TRAF5: variants seen among roughly 807,000 people sequenced by gnomAD.
TRAF5 encodes the protein TNF receptor associated factor 5.
In TRAF5, 48 loss-of-function variants were observed where a neutral mutation model predicts 64.5. The ratio of observed to expected loss-of-function variants is 0.74; its 90% CI spans 0.59 to 0.95. The LOEUF is 0.95. Among genes scored for constraint, TRAF5 ranks in the 40% least tolerant of loss-of-function variants. The pLI is 0.00. For missense variants in TRAF5, 545 were observed against 662.8 expected (o/e 0.82, Z 1.95); for synonymous variants, 206 against 240.5 (o/e 0.86, Z 1.33).
intron 1 of TRAF5, among the ~76,000 whole-genome samples, chr1:211,342,156 A>G (rs1702464847): frequency 6.6e-6 from 1 of 152,242 alleles, no homozygotes; most frequent in African/African-American, 2.4e-5. Context: ...AACCATAGAC[A>G]ATATGTAAAT....
intron 1 of TRAF5, chr1:211,346,561 C>A: frequency 5.3e-6 from 2 of 375,382 alleles, no homozygotes; most frequent in South Asian, 1.1e-4. Context: ...ATGTCTTATG[C>A]ACTATAACAT....
intron 1 of TRAF5, among the ~76,000 whole-genome samples, chr1:211,333,002 A>G (rs937974087): frequency 6.6e-6 from 1 of 152,150 alleles, no homozygotes; most frequent in African/African-American, 2.4e-5. Context: ...TTTGATACTA[A>G]CAGTTCCCAT....
rs573352107 is a variant in TRAF5 at position 211,369,465 on chromosome 1, A to T, written c.803A>T (p.His268Leu). ...TCCTGTTATTAGATTTCTGACTTAC[A>T]CAAGAGCCTAGAACAGAAAGAAAGT... ...VQLEEQISDL[H>L]KSLEQKESKI... The change falls in exon 9 of 11, where the codon CAC becomes CTC. Residue 268 changes from histidine to leucine, a missense_variant. Transcript: ENST00000261464. The T allele has an allele frequency of 5.2e-5, 82 of 1,590,492 alleles. 1 individual carries two copies. In the South Asian group the frequency reaches 6.7e-4, roughly 13 times the overall value.
intron 1 of TRAF5, among the ~76,000 whole-genome samples, chr1:211,334,890 G>C (rs1385145308): frequency 6.6e-6 from 1 of 152,170 alleles, no homozygotes; most frequent in Admixed American, 6.5e-5. Context: ...TGTCCTCCCA[G>C]TGCCTAACTA....
At chr1:211,370,410 C>T (rs1703484816) in intron 9 of TRAF5, among the ~76,000 whole-genome samples, 1 of 151,084 alleles carries the variant, frequency 6.6e-6, no homozygotes, top group South Asian at 2.1e-4. Flanking sequence ...CACACACACA[C>T]ACCCTTCATA....
chr1:211,369,380 G>A (rs954415743), intron 8 of TRAF5, 72 bp from the exon 9 acceptor site: 1 of 1,272,964 alleles, frequency 7.9e-7, no homozygotes, highest in Non-Finnish European at 1.0e-6. Context: ...AGCTGCAAGT[G>A]CATGCATATT....
chr1:211,342,458 A>G (rs569368380), intron 1 of TRAF5, among the ~76,000 whole-genome samples: 1 of 152,324 alleles, frequency 6.6e-6, no homozygotes, highest in East Asian at 1.9e-4. Context: ...GGTATCCATT[A>G]TCTCAAGCAT....
In TRAF5 at chr1:211,372,668, T is replaced by A. The variant is rs1223536011; in HGVS notation, c.1640T>A (p.Val547Glu). The change falls in exon 11 of 11, where the codon GTG (valine) becomes GAG (glutamate). Residue 547 changes from valine (V) to glutamate (E), a missense_variant. By Grantham distance (121) the Val-to-Glu change is moderately radical. Coordinates refer to ENST00000261464, the MANE Select transcript of TRAF5 (RefSeq NM_001033910.3). ...AAAGATGACACTCTGTTCTTGAAAG[T>A]GGCCGTGGACTTAACTGACCTGGAG... ...YIKDDTLFLK[V>E]AVDLTDLEDL The A allele has an allele frequency of 6.2e-7, 1 of 1,614,052 alleles. No individual in the cohort carries two copies. The highest frequency in any genetic ancestry group is 2.2e-5 in the East Asian group (1 of 44,904).
At chr1:211,368,277 A>G (rs932717916) in intron 8 of TRAF5, among the ~76,000 whole-genome samples, 8 of 151,944 alleles carry the variant, frequency 5.3e-5, no homozygotes, top group African/African-American at 1.9e-4. Context: ...TTATGCAGGG[A>G]AGGCTCAAGA....
At chr1:211,349,309 C>G (rs1044968404) in intron 1 of TRAF5, among the ~76,000 whole-genome samples, 2 of 152,314 alleles carry the variant, frequency 1.3e-5, no homozygotes, top group African/African-American at 4.8e-5. Context: ...ATGTATTTCT[C>G]ACAGTTCTGA....
At chr1:211,349,598 AT>A (rs1302850950) in intron 1 of TRAF5, among the ~76,000 whole-genome samples, 2 of 152,274 alleles carry the variant, frequency 1.3e-5, no homozygotes, top group African/African-American at 4.8e-5. Flanking sequence ...CAATATACGA[AT>A]TTTGGGGGGG....
chr1:211,363,205 T>C (rs1026991080), intron 7 of TRAF5, among the ~76,000 whole-genome samples: 5 of 152,184 alleles, frequency 3.3e-5, no homozygotes, highest in African/African-American at 7.2e-5. Flanking sequence ...GTTACAGATA[T>C]CCTTTCTTAA....
intron 1 of TRAF5, among the ~76,000 whole-genome samples, chr1:211,345,761 C>T (rs1380041690): frequency 2.0e-5 from 3 of 152,168 alleles, no homozygotes; most frequent in Non-Finnish European, 4.4e-5. Flanking sequence ...AGAGAGGGGC[C>T]ATCTGGTGTC....
rs370923000 is a variant in TRAF5, at chr1:211,374,589, G to A, written c.*1887G>A. 6.6e-5 allele frequency: 10 copies of A among 152,280 alleles called. No individual in the cohort carries two copies. In the East Asian group the frequency reaches 1.7e-3, roughly 26 times the overall value. 9.4% of individuals were successfully genotyped at this position (152,280 alleles called of 1,614,324 possible). Reference sequence around the variant, plus strand: ...TGTCACTGCTGGTGAACTGTGGCACGGTTGCTCAACACATCACCTCGGACA... The same window carrying A: ...TGTCACTGCTGGTGAACTGTGGCACAGTTGCTCAACACATCACCTCGGACA... On this transcript the variant is annotated 3_prime_UTR_variant, in exon 11 of 11. Transcript: ENST00000261464.
At position 211,352,860 on chromosome 1, in the gene TRAF5, T is replaced by C. The variant is rs115693208; in HGVS notation, c.-1-379T>C. Among the ~76,000 whole-genome samples the C allele has an allele frequency of 6.5e-3, 991 of 152,272 alleles. 6 individuals are homozygous for C. Among genetic ancestry groups the C allele is most frequent in the Non-Finnish European group, 0.011 (720 of 68,022 alleles). On this transcript the variant is annotated intron_variant, in intron 1 of 10. Coordinates refer to ENST00000261464, the MANE Select transcript of TRAF5 (RefSeq NM_001033910.3). ...TAACAAAACCTGTGTTTCCATTCTC[T>C]CATTGAGTGGAAGAAAAATTCCTAA...
chr1:211,334,216 C>T (rs1702233055), intron 1 of TRAF5, among the ~76,000 whole-genome samples: 1 of 152,194 alleles, frequency 6.6e-6, no homozygotes, highest in East Asian at 1.9e-4. Flanking sequence ...TCCAGCAGTG[C>T]ATTGTGACAG....
chr1:211,374,912 A>G lies in TRAF5; in HGVS notation c.*2210A>G, dbSNP rs1354559136. On this transcript the variant is annotated 3_prime_UTR_variant, in exon 11 of 11. Transcript: ENST00000261464. ...GTGATTAAGTGATCCCAGAACAAGG[A>G]ATACTAGAGTAAAAAGCACCTCTTT... is the stretch of plus-strand genomic sequence containing the variant. 6.6e-6 allele frequency: 1 copy of G among 152,228 alleles called. No homozygotes were observed. Among genetic ancestry groups the G allele is most frequent in the Non-Finnish European group, 1.5e-5 (1 of 68,028 alleles). 9.4% of individuals were successfully genotyped at this position (152,228 alleles called of 1,614,324 possible).
At chr1:211,366,356 A>G (rs1703350369) in intron 8 of TRAF5, among the ~76,000 whole-genome samples, 1 of 152,206 alleles carries the variant, frequency 6.6e-6, no homozygotes, top group Admixed American at 6.5e-5. Context: ...TTTTTTCTGT[A>G]TCAGTTGCCT....
rs139123011 is a variant in TRAF5 at position 211,369,822 on chromosome 1, ATG to A, written c.930+245_930+246del. On this transcript the variant is annotated intron_variant, in intron 9 of 10. Coordinates refer to ENST00000261464, the MANE Select transcript of TRAF5 (RefSeq NM_001033910.3). ...CTCCACTGCTCCTCCCCCGACGTGTATGTGTGTGTGTGTGTGCGTGTGCATGT... is the reference window on the plus strand; with the variant it reads ...CTCCACTGCTCCTCCCCCGACGTGTATGTGTGTGTGTGTGCGTGTGCATGT... Among the ~76,000 whole-genome samples the A allele has an allele frequency of 9.3e-3, 1,406 of 151,000 alleles. 19 individuals carry two copies. The highest frequency in any genetic ancestry group is 0.032 in the African/African-American group (1,324 of 41,286).
Sources: allele counts gnomAD v4.1 joint callset (sites outside exome capture counted in the v4.1 genomes callset), GRCh38; gene constraint gnomAD v4.1.1; transcripts MANE v1.5; gene names NCBI Gene and HGNC (gene_info 2026-07-23, HGNC 2026-07-21).